Variants in PCSK5 observed in about 807,000 individuals in gnomAD.
PCSK5 encodes the protein prohormone convertase 5.
A neutral mutation model predicts 233.2 loss-of-function variants in PCSK5; 129 were observed. The ratio of observed to expected loss-of-function variants is 0.55; its 90% confidence interval spans 0.48 to 0.64. PCSK5 has a LOEUF of 0.64. Ranked by LOEUF, PCSK5 falls within the 30% of genes least tolerant of loss-of-function variation. The pLI is 0.00. For missense variants in PCSK5, 2,076 were observed against 2,430.1 expected (o/e 0.85, Z 3.06); for synonymous variants, 825 against 879.2 (o/e 0.94, Z 1.09).
chr9:76,056,249 A>G (rs1829814712), intron 5 of PCSK5, among the ~76,000 whole-genome samples: 1 of 152,168 alleles, frequency 6.6e-6, no homozygotes, highest in African/African-American at 2.4e-5. Context: ...TGTCAAGGGT[A>G]AAGGGTGACC....
At chr9:76,308,867 G>A (rs1316608281) in intron 29 of PCSK5, 139 bp downstream of exon 29, 8 of 610,022 alleles carry the variant, frequency 1.3e-5, no homozygotes, top group Admixed American at 6.1e-5. Flanking sequence ...TGGCTACTCG[G>A]GAGACACACA....
chr9:75,908,961 A>C (rs200582926), intron 1 of PCSK5, among the ~76,000 whole-genome samples: 8 of 112,736 alleles, frequency 7.1e-5, no homozygotes, highest in East Asian at 2.6e-4. Context: ...CTATCTATCT[A>C]TCTATCTATC....
chr9:76,220,990 T>C (rs1270655804), intron 20 of PCSK5, among the ~76,000 whole-genome samples: 1 of 152,174 alleles, frequency 6.6e-6, no homozygotes, highest in Non-Finnish European at 1.5e-5. Flanking sequence ...TTATTTGTTT[T>C]GAACAGAATT....
chr9:76,176,325 C>T (rs752241680), intron 14 of PCSK5, among the ~76,000 whole-genome samples: 2 of 152,144 alleles, frequency 1.3e-5, no homozygotes, highest in Admixed American at 1.3e-4. Flanking sequence ...CTTATACCAG[C>T]ATCTTTTCTG....
intron 11 of PCSK5, 81 bp downstream of exon 11, chr9:76,157,243 T>G: frequency 1.1e-6 from 1 of 876,020 alleles, no homozygotes; most frequent in Non-Finnish European, 1.9e-6. Context: ...AGCCTCTTGT[T>G]GCACACAGAA....
intron 1 of PCSK5, among the ~76,000 whole-genome samples, chr9:75,928,358 A>G (rs1018372919): frequency 2.0e-5 from 3 of 151,810 alleles, no homozygotes; most frequent in African/African-American, 7.3e-5. Flanking sequence ...CTTTTGTTTT[A>G]CATTACCCCA....
At chr9:75,901,097 G>A (rs1826011188) in intron 1 of PCSK5, among the ~76,000 whole-genome samples, 1 of 152,142 alleles carries the variant, frequency 6.6e-6, no homozygotes, top group Non-Finnish European at 1.5e-5. Context: ...GAGGAGGAAA[G>A]GAAGTATAGA....
intron 2 of PCSK5, among the ~76,000 whole-genome samples, chr9:75,976,702 T>C (rs1003032513): frequency 6.6e-6 from 1 of 151,810 alleles, no homozygotes; most frequent in African/African-American, 2.4e-5. Context: ...GTTTAAAATA[T>C]TAAATACTTT....
At chr9:75,943,468 A>C (rs555090718) in intron 2 of PCSK5, among the ~76,000 whole-genome samples, 13 of 152,344 alleles carry the variant, frequency 8.5e-5, no homozygotes, top group Non-Finnish European at 1.6e-4. Context: ...ATTTTAATGA[A>C]TGCAAGAGTA....
intron 10 of PCSK5, among the ~76,000 whole-genome samples, chr9:76,150,317 A>T (rs775050096): frequency 3.3e-5 from 5 of 152,114 alleles, no homozygotes; most frequent in African/African-American, 1.2e-4. Context: ...CTGAGATTTT[A>T]GGAAGAGCAA....
intron 7 of PCSK5, among the ~76,000 whole-genome samples, chr9:76,075,176 C>T (rs1301586529): frequency 6.6e-6 from 1 of 151,936 alleles, no homozygotes; most frequent in East Asian, 1.9e-4. Flanking sequence ...GCCAAGATCA[C>T]GCCACTGCAT....
intron 20 of PCSK5, among the ~76,000 whole-genome samples, chr9:76,215,517 A>C (rs1825490929): frequency 2.0e-5 from 3 of 152,132 alleles, no homozygotes; most frequent in Non-Finnish European, 1.5e-5. Flanking sequence ...CTTGTTCCCT[A>C]GAGATGCTGC....
intron 2 of PCSK5, among the ~76,000 whole-genome samples, chr9:75,984,672 C>A (rs1826426060): frequency 6.6e-6 from 1 of 152,110 alleles, no homozygotes. Context: ...TTGTGGAATA[C>A]TTGTTACATT....
intron 3 of PCSK5, among the ~76,000 whole-genome samples, chr9:76,012,279 C>T (rs1347978502): frequency 6.6e-6 from 1 of 152,178 alleles, no homozygotes; most frequent in Admixed American, 6.5e-5. Context: ...TCAACTATGA[C>T]AAACACACAT....
Position 75,890,690 on chromosome 9 carries a change from C to G in PCSK5, c.-492C>G, listed in dbSNP as rs1014518688. 6.4e-6 allele frequency: 1 copy of G among 155,268 alleles called. No homozygotes were observed. Among genetic ancestry groups the G allele is most frequent in the African/African-American group, 2.4e-5 (1 of 41,562 alleles). 9.6% of individuals were successfully genotyped at this position (155,268 alleles called of 1,614,324 possible). ...CTGCCATTGCCACTCAGAATCCTCG[C>G]GCGCTGCTCGGAGCCGGAGGGAGCG... On this transcript the variant is annotated 5_prime_UTR_variant, in exon 1 of 38. Coordinates refer to ENST00000674117, the MANE Select transcript of PCSK5 (RefSeq NM_001372043.1).
At chr9:75,969,736 TG>T (rs1825738799) in intron 2 of PCSK5, among the ~76,000 whole-genome samples, 2 of 152,192 alleles carry the variant, frequency 1.3e-5, no homozygotes, top group South Asian at 2.1e-4. Context: ...GTATTTGACA[TG>T]AATTAGCTCA....
chr9:76,351,456 GAA>G (rs10707487), intron 36 of PCSK5, among the ~76,000 whole-genome samples: 1 of 19,392 alleles, frequency 5.2e-5, no homozygotes, highest in Non-Finnish European at 9.9e-5. Context: ...AGGAAAGAAA[GAA>G]AGAAAGAAAG....
At chr9:75,996,592 G>A (rs900179132) in intron 3 of PCSK5, among the ~76,000 whole-genome samples, 3 of 152,202 alleles carry the variant, frequency 2.0e-5, no homozygotes, top group Non-Finnish European at 4.4e-5. Context: ...AGTGCTTCCA[G>A]AAGAGGCTAA....
intron 15 of PCSK5, among the ~76,000 whole-genome samples, chr9:76,179,921 A>T (rs1431058131): frequency 6.6e-6 from 1 of 151,914 alleles, no homozygotes; most frequent in African/African-American, 2.4e-5. Flanking sequence ...ATGTGCATGT[A>T]TGCTGTGAAA....
Sources: allele counts gnomAD v4.1 joint callset (sites outside exome capture counted in the v4.1 genomes callset), GRCh38; gene constraint gnomAD v4.1.1; transcripts MANE v1.5; gene names NCBI Gene and HGNC (gene_info 2026-07-23, HGNC 2026-07-21).